RALGAPA1: variants seen among roughly 807,000 people sequenced by gnomAD.
RALGAPA1 encodes Ral GTPase activating protein catalytic subunit alpha 1, also known as ral GTPase-activating protein subunit alpha-1.
RALGAPA1 carries 52 observed loss-of-function variants against 269.6 expected under a neutral mutation model. That is an observed-to-expected ratio of 0.19 (90% CI 0.15 to 0.24). RALGAPA1 has a LOEUF of 0.24. Among genes scored for constraint, RALGAPA1 ranks in the 10% least tolerant of loss-of-function variants. The pLI is 1.00. For missense variants in RALGAPA1, 1,917 were observed against 3,013.9 expected (o/e 0.64, Z 8.52); for synonymous variants, 817 against 1,008.3 (o/e 0.81, Z 3.60).
intron 36 of RALGAPA1, among the ~76,000 whole-genome samples, chr14:35,598,227 G>A (rs1467587051): frequency 2.0e-5 from 3 of 151,978 alleles, no homozygotes; most frequent in Non-Finnish European, 2.9e-5. Flanking sequence ...GCATTGCTAT[G>A]TCTTCTTGGT....
chr14:35,693,866 C>T (rs923095618), intron 17 of RALGAPA1, among the ~76,000 whole-genome samples: 7 of 151,738 alleles, frequency 4.6e-5, no homozygotes, highest in African/African-American at 9.7e-5. Context: ...GGTTTTTTCC[C>T]GGAAATATTT....
intron 1 of RALGAPA1, among the ~76,000 whole-genome samples, chr14:35,799,017 A>G (rs1342139946): frequency 6.6e-6 from 1 of 151,872 alleles, no homozygotes; most frequent in Non-Finnish European, 1.5e-5. Flanking sequence ...AAAAGTACAC[A>G]AAGAAATGAA....
chr14:35,721,141 A>G (rs2069377166), intron 16 of RALGAPA1, among the ~76,000 whole-genome samples: 1 of 152,222 alleles, frequency 6.6e-6, no homozygotes, highest in South Asian at 2.1e-4. Context: ...AATTGTTCCC[A>G]ACGTTGTTCC....
chr14:35,556,273 G>A (rs576376533), intron 39 of RALGAPA1, among the ~76,000 whole-genome samples: 4 of 152,184 alleles, frequency 2.6e-5, no homozygotes, highest in South Asian at 2.1e-4. Flanking sequence ...GAAATACACC[G>A]GGTAATTAGT....
chr14:35,616,532 C>T (rs911219046), intron 35 of RALGAPA1, among the ~76,000 whole-genome samples: 5 of 152,160 alleles, frequency 3.3e-5, no homozygotes, highest in Non-Finnish European at 1.5e-5. Flanking sequence ...TGTCAGTACA[C>T]ATTTATCAAA....
intron 26 of RALGAPA1, among the ~76,000 whole-genome samples, chr14:35,669,016 G>A (rs2064181537): frequency 1.3e-5 from 2 of 151,790 alleles, no homozygotes; most frequent in Non-Finnish European, 2.9e-5. Context: ...GTTTACCTCT[G>A]CCTGGAACAC....
chr14:35,757,194 T>C (rs1595447969), intron 6 of RALGAPA1, among the ~76,000 whole-genome samples: 1 of 151,622 alleles, frequency 6.6e-6, no homozygotes, highest in South Asian at 2.1e-4. Context: ...CGATCTCGGC[T>C]CACTGCAACC....
chr14:35,721,655 T>C, intron 16 of RALGAPA1, 33 bp downstream of exon 16: 1 of 1,589,156 alleles, frequency 6.3e-7, no homozygotes, highest in Non-Finnish European at 8.6e-7. Flanking sequence ...TGTAGTGCCC[T>C]GTACCATTCT....
At chr14:35,599,446 C>G (rs1408899343) in intron 36 of RALGAPA1, among the ~76,000 whole-genome samples, 3 of 152,022 alleles carry the variant, frequency 2.0e-5, no homozygotes, top group Admixed American at 6.6e-5. Flanking sequence ...TGTTTGCAAG[C>G]TATCAGATTC....
chr14:35,750,934 A>G (rs1004763687), intron 8 of RALGAPA1, among the ~76,000 whole-genome samples: 3 of 152,180 alleles, frequency 2.0e-5, no homozygotes, highest in Non-Finnish European at 4.4e-5. Context: ...AGTTCAGTGA[A>G]CCTACCTAAG....
intron 37 of RALGAPA1, among the ~76,000 whole-genome samples, chr14:35,588,361 C>A (rs1030490885): frequency 1.3e-5 from 2 of 152,146 alleles, no homozygotes; most frequent in African/African-American, 2.4e-5. Context: ...GGGAAACAGG[C>A]ATCTTATTTG....
At chr14:35,600,297 C>A (rs1055200238) in intron 36 of RALGAPA1, among the ~76,000 whole-genome samples, 2 of 128,266 alleles carry the variant, frequency 1.6e-5, no homozygotes, top group African/African-American at 3.1e-5. Flanking sequence ...GTGACATGAT[C>A]TTTACTCACT....
At chr14:35,553,083 C>T (rs913281593) in intron 39 of RALGAPA1, among the ~76,000 whole-genome samples, 1 of 152,158 alleles carries the variant, frequency 6.6e-6, no homozygotes, top group African/African-American at 2.4e-5. Flanking sequence ...GGGATACCAT[C>T]ACCTGCTCAC....
intron 1 of RALGAPA1, among the ~76,000 whole-genome samples, chr14:35,793,896 A>G (rs1044376943): frequency 6.6e-6 from 1 of 152,200 alleles, no homozygotes; most frequent in Non-Finnish European, 1.5e-5. Context: ...AATCCTTTAG[A>G]TGCAATAAAA....
At chr14:35,735,649 C>T (rs916506270) in intron 12 of RALGAPA1, among the ~76,000 whole-genome samples, 1 of 151,902 alleles carries the variant, frequency 6.6e-6, no homozygotes, top group Non-Finnish European at 1.5e-5. Flanking sequence ...TCTCATATCA[C>T]CACTAAAGAA....
chr14:35,775,661 G>C lies in RALGAPA1; in HGVS notation c.191C>G (p.Thr64Ser). 1 of 1,577,208 alleles carries C rather than the reference G, an allele frequency of 6.3e-7. No homozygotes were observed. The highest frequency in any genetic ancestry group is 8.6e-7 in the Non-Finnish European group (1 of 1,168,302). ...IYYVFFENFVTIEASLKQKGH... is the reference protein window; with the variant it reads ...IYYVFFENFVSIEASLKQKGH... ...TTTCTGTTTAAGACTAGCTTCAATA[G>C]TCACAAAATTTTCAAAGAACACATA... The change falls in exon 2 of 42, where the codon ACT (threonine) becomes AGT (serine). Residue 64 changes from threonine (T) to serine (S), a missense_variant. Transcript: ENST00000680220.
intron 39 of RALGAPA1, among the ~76,000 whole-genome samples, chr14:35,565,329 TTA>T (rs2056604266): frequency 1.3e-5 from 2 of 149,756 alleles, no homozygotes; most frequent in East Asian, 3.9e-4. Context: ...TTTTATAATA[TTA>T]ATATAATATA....
intron 35 of RALGAPA1, among the ~76,000 whole-genome samples, chr14:35,609,233 A>T (rs2059775657): frequency 6.6e-6 from 1 of 151,984 alleles, no homozygotes; most frequent in African/African-American, 2.4e-5. Flanking sequence ...TCTCAAAAAA[A>T]AAAAACCAAA....
At chr14:35,708,584 A>G (rs2068017070) in intron 16 of RALGAPA1, among the ~76,000 whole-genome samples, 1 of 152,170 alleles carries the variant, frequency 6.6e-6, no homozygotes, top group Non-Finnish European at 1.5e-5. Context: ...CTTTTATCCA[A>G]AAGACAGGCA....
Sources: gnomAD v4.1 joint callset for allele counts (sites outside exome capture counted in the v4.1 genomes callset) on GRCh38, gnomAD v4.1.1 for gene constraint, MANE v1.5 for transcripts, NCBI Gene and HGNC (gene_info 2026-07-23, HGNC 2026-07-21) for gene names.